Variants in DMXL2 observed in about 807,000 individuals in gnomAD.
DMXL2 encodes the protein dmX-like protein 2.
A neutral mutation model predicts 331.1 loss-of-function variants in DMXL2; 103 were observed. The observed-to-expected ratio is 0.31, with a 90% confidence interval of 0.27 to 0.37. The LOEUF (loss-of-function observed/expected upper bound fraction) is 0.37. DMXL2 is among the 10% of genes least tolerant of loss of function. DMXL2 has a pLI of 1.00. For missense variants in DMXL2, 3,171 were observed against 3,642.9 expected (o/e 0.87, Z 3.33); for synonymous variants, 1,281 against 1,252.1 (o/e 1.02, Z -0.49).
At chr15:51,581,210 T>A (rs4775954) in intron 1 of DMXL2, among the ~76,000 whole-genome samples, 2 of 152,116 alleles carry the variant, frequency 1.3e-5, no homozygotes, top group East Asian at 1.9e-4. Context: ...TCATAGGAAC[T>A]CAAGCCCTAT....
At chr15:51,474,182 G>A (rs2041370359) in intron 28 of DMXL2, among the ~76,000 whole-genome samples, 162 bp downstream of exon 28, 1 of 151,696 alleles carries the variant, frequency 6.6e-6, no homozygotes, top group South Asian at 2.1e-4. Flanking sequence ...CAAACTATAT[G>A]TTTATTATAT....
chr15:51,582,986 ATCT>A (rs1461533043), intron 1 of DMXL2, among the ~76,000 whole-genome samples: 3 of 151,924 alleles, frequency 2.0e-5, no homozygotes, highest in Non-Finnish European at 2.9e-5. Context: ...TCTTTTATAT[ATCT>A]TCTTTTAACA....
At position 51,480,674 on chromosome 15, in the gene DMXL2, T is replaced by C. The variant is rs1315653345; in HGVS notation, c.6432A>G (p.Arg2144=). ...CTTGGTTTTTCTGCAACCACGACTT[T>C]CGTCTTTCTGCATGCTCTCGTTTGG... ...LQAKREHAER[R]KSWLQKNQDL... is the part of the protein sequence containing the mutation. Residue 2144 remains arginine, a synonymous_variant, in exon 24 of 44, where the codon CGA becomes CGG. Transcript: ENST00000560891. The C allele has an allele frequency of 4.3e-6, 7 of 1,612,762 alleles. No homozygotes were observed. The highest frequency in any genetic ancestry group is 2.2e-5 in the East Asian group (1 of 44,850).
chr15:51,565,915 C>A (rs770772887), intron 3 of DMXL2, among the ~76,000 whole-genome samples: 3 of 152,050 alleles, frequency 2.0e-5, no homozygotes, highest in African/African-American at 4.8e-5. Flanking sequence ...TACAAGGTTT[C>A]CTGACTACCT....
chr15:51,572,199 T>A (rs1460054635), intron 2 of DMXL2, among the ~76,000 whole-genome samples: 1 of 147,142 alleles, frequency 6.8e-6, no homozygotes, highest in Non-Finnish European at 1.5e-5. Context: ...AATGGATAAA[T>A]TCCTGGACAC....
At position 51,476,641 on chromosome 15, in the gene DMXL2, T is replaced by C; in HGVS notation, c.6912A>G (p.Thr2304=). 6.2e-7 allele frequency: 1 copy of C among 1,612,318 alleles called. No individual in the cohort carries two copies. Among genetic ancestry groups the C allele is most frequent in the Non-Finnish European group, 8.5e-7 (1 of 1,179,368 alleles). ...GTGTTGCGTGTTCTTCAATGCTTTC[T>C]GTCCTTAGTCTTCTACGATCACTTA... The part of the protein sequence containing the change: ...LLLSDRRRLR[T]ESIEEHATPN... The change falls in exon 27 of 44, where the codon ACA becomes ACG. Residue 2304 remains threonine, a synonymous_variant. Transcript: ENST00000560891.
chr15:51,469,321 T>G (rs753013770), intron 29 of DMXL2, among the ~76,000 whole-genome samples: 1 of 152,180 alleles, frequency 6.6e-6, no homozygotes, highest in Non-Finnish European at 1.5e-5. Flanking sequence ...TAGATAATTT[T>G]TGAAGCTACA....
Position 51,458,552 on chromosome 15 carries a change from G to T in DMXL2, c.8152C>A (p.Gln2718Lys). 6.2e-7 allele frequency: 1 copy of T among 1,613,862 alleles called. No individual in the cohort carries two copies. Among genetic ancestry groups the T allele is most frequent in the South Asian group, 1.1e-5 (1 of 91,014 alleles). ...TCTTCTCCGATCCATATGTATGACTGACAGGCCAGTAGAGAAGTAACATCA... is the reference window on the plus strand; with the variant it reads ...TCTTCTCCGATCCATATGTATGACTTACAGGCCAGTAGAGAAGTAACATCA... The part of the protein sequence containing the change: ...ELDVTSLLAC[Q>K]SYIWIGEEYD... The change falls in exon 36 of 44, where the codon CAG becomes AAG. Residue 2718 changes from glutamine to lysine, a missense_variant. This residue lies in a region of DMXL2 where 766 missense variants were observed against 940.5 expected (regional missense o/e 0.81). Coordinates refer to ENST00000560891, the MANE Select transcript of DMXL2 (RefSeq NM_001378457.1).
intron 7 of DMXL2, among the ~76,000 whole-genome samples, chr15:51,545,997 T>C (rs190506825): frequency 1.7e-3 from 259 of 152,336 alleles, no homozygotes; most frequent in African/African-American, 6.1e-3. Flanking sequence ...ATTCAGGCTC[T>C]AGAGGATTAT....
At chr15:51,543,763 A>C (rs74013290) in intron 8 of DMXL2, among the ~76,000 whole-genome samples, 7,847 of 152,190 alleles carry the variant, frequency 0.052, 577 homozygotes, top group African/African-American at 0.17. Context: ...ATTAATTAAT[A>C]ATATTAATAA....
intron 6 of DMXL2, among the ~76,000 whole-genome samples, chr15:51,550,600 A>C (rs1458925219): frequency 6.6e-6 from 1 of 152,006 alleles, no homozygotes; most frequent in African/African-American, 2.4e-5. Context: ...AAAAAAGAAA[A>C]GATAAATTCC....
intron 42 of DMXL2, 33 bp downstream of exon 42, chr15:51,451,612 G>A: frequency 3.2e-6 from 5 of 1,542,370 alleles, no homozygotes; most frequent in South Asian, 1.1e-5. Context: ...TTCCTTCATG[G>A]TATATTTTTA....
chr15:51,548,728 T>C (rs2049030137), intron 6 of DMXL2, among the ~76,000 whole-genome samples: 2 of 152,080 alleles, frequency 1.3e-5, no homozygotes, highest in South Asian at 4.1e-4. Flanking sequence ...TCTAAAACTG[T>C]AAAACCACAA....
intron 15 of DMXL2, among the ~76,000 whole-genome samples, chr15:51,512,655 C>CA (rs996299596): frequency 8.6e-5 from 13 of 151,850 alleles, no homozygotes; most frequent in African/African-American, 2.9e-4. Flanking sequence ...AGTAATAATA[C>CA]AAAAAAATTA....
Position 51,579,146 on chromosome 15 carries a change from A to G in DMXL2, c.88-2965T>C, listed in dbSNP as rs2051240018. On this transcript the variant is annotated intron_variant, in intron 1 of 43. Transcript: ENST00000560891. The stretch of plus-strand genomic sequence containing the variant: ...TGGAAAGTTTAAAGACCACTGGTTT[A>G]GAATGGTCTCAAACCCCCTACCAAA... 2.0e-5 allele frequency among the ~76,000 whole-genome samples: 3 copies of G among 152,202 alleles called. No individual in the cohort carries two copies. The South Asian group carries it at 6.2e-4, about 31-fold the overall frequency.
intron 14 of DMXL2, among the ~76,000 whole-genome samples, chr15:51,515,329 G>A (rs924492051): frequency 6.6e-6 from 1 of 152,078 alleles, no homozygotes; most frequent in Non-Finnish European, 1.5e-5. Flanking sequence ...GAGATTTCAA[G>A]AAAAGGAAGC....
At chr15:51,502,306 T>TGTGTG (rs2043701330) in intron 17 of DMXL2, among the ~76,000 whole-genome samples, 8 of 140,628 alleles carry the variant, frequency 5.7e-5, no homozygotes, top group East Asian at 4.2e-4. Flanking sequence ...TTTTGTGGGT[T>TGTGTG]TGTGTGTGTG....
Position 51,499,210 on chromosome 15 carries a change from A to G in DMXL2, c.4014T>C (p.His1338=). 6.2e-7 allele frequency: 1 copy of G among 1,614,096 alleles called. No individual in the cohort carries two copies. Among genetic ancestry groups the G allele is most frequent in the Non-Finnish European group, 8.5e-7 (1 of 1,180,020 alleles). The change falls in exon 18 of 44, where the codon CAT becomes CAC. Residue 1338 remains histidine, a synonymous_variant. Transcript: ENST00000560891. The stretch of plus-strand genomic sequence containing the variant: ...ATTGTGGAAGAGTAGGGGAAAGTAC[A>G]TGTGCAGCCTCAAATAAGCCACCAT... The part of the protein sequence containing the change: ...IQDGGLFEAA[H]VLSPTLPQYH...
chr15:51,562,471 C>A (rs936291945), intron 6 of DMXL2, among the ~76,000 whole-genome samples: 8 of 151,956 alleles, frequency 5.3e-5, no homozygotes, highest in African/African-American at 1.9e-4. Context: ...AGGAGAGAGG[C>A]AAAGAGAATT....
Sources: allele counts gnomAD v4.1 joint callset (sites outside exome capture counted in the v4.1 genomes callset), GRCh38; gene constraint gnomAD v4.1.1; regional missense constraint gnomAD v4.1.1; transcripts MANE v1.5; gene names NCBI Gene and HGNC (gene_info 2026-07-23, HGNC 2026-07-21).